Variants in MYH11 observed in about 807,000 individuals in gnomAD.
The protein encoded by MYH11 is myosin-11.
A neutral mutation model predicts 246.6 loss-of-function variants in MYH11; 80 were observed. The observed-to-expected ratio is 0.32, with a 90% CI of 0.27 to 0.39. The LOEUF (loss-of-function observed/expected upper bound fraction) is 0.39. Ranked by LOEUF, MYH11 falls within the 10% of genes least tolerant of loss-of-function variation. The probability of loss-of-function intolerance (pLI) is 1.00; values close to 1 mark genes in which losing one functional copy is unlikely to be tolerated. For synonymous variants in MYH11, 1,071 were observed against 1,015.5 expected (o/e 1.05, Z -1.04); for missense variants, 2,158 against 2,546.8 (o/e 0.85, Z 3.29).
At chr16:15,812,303 G>T (rs532168368) in intron 3 of MYH11, among the ~76,000 whole-genome samples, 1 of 152,188 alleles carries the variant, frequency 6.6e-6, no homozygotes, top group African/African-American at 2.4e-5. Flanking sequence ...GCTAGCGTTG[G>T]ATCACCCAAT....
At chr16:15,735,650 C>T (rs2041096836) in intron 25 of MYH11, 72 bp from the exon 26 acceptor site, 1 of 1,483,956 alleles carries the variant, frequency 6.7e-7, no homozygotes, top group Non-Finnish European at 9.4e-7. Flanking sequence ...TGGCCAAAAA[C>T]TTTTCTGGGA....
chr16:15,747,219 C>T (rs1197282419), intron 19 of MYH11, among the ~76,000 whole-genome samples: 2 of 152,092 alleles, frequency 1.3e-5, no homozygotes, highest in Middle Eastern at 3.2e-3. Flanking sequence ...TCTCGTCATG[C>T]GTTATCTTAG....
In MYH11 at chr16:15,782,423, T is replaced by C; in HGVS notation, c.688A>G (p.Asn230Asp). Residue 230 changes from asparagine to aspartate, a missense_variant, in exon 6 of 41, where the codon AAC becomes GAC. Around this residue, in one of 11 missense-constraint regions of MYH11, gnomAD observed 123 missense variants for 207.1 expected, o/e 0.59. Coordinates refer to ENST00000300036, the MANE Select transcript of MYH11 (RefSeq NM_002474.3). The part of the protein sequence containing the change: ...QANPILEAFG[N>D]AKTVKNDNSS... ...TTGTCGTTCTTCACTGTTTTGGCGTTGCCGAAAGCCTCCAGAATCGGGTTT... is the reference window on the plus strand; with the variant it reads ...TTGTCGTTCTTCACTGTTTTGGCGTCGCCGAAAGCCTCCAGAATCGGGTTT... The C allele has an allele frequency of 6.2e-7, 1 of 1,614,216 alleles. No individual in the cohort carries two copies. The highest frequency in any genetic ancestry group is 1.1e-5 in the South Asian group (1 of 91,082).
At chr16:15,799,702 T>C (rs1445801303) in intron 3 of MYH11, among the ~76,000 whole-genome samples, 1 of 152,228 alleles carries the variant, frequency 6.6e-6, no homozygotes, top group Non-Finnish European at 1.5e-5. Flanking sequence ...CACCTAACAA[T>C]GTAGAAATCC....
chr16:15,735,310 C>G (rs1419596690), intron 26 of MYH11, 56 bp downstream of exon 26: 1 of 1,581,372 alleles, frequency 6.3e-7, no homozygotes, highest in Non-Finnish European at 8.7e-7. Flanking sequence ...CCTCTTCTGC[C>G]CCCATCCCAT....
intron 1 of MYH11, among the ~76,000 whole-genome samples, chr16:15,853,674 A>G (rs2044386352): frequency 6.6e-6 from 1 of 152,248 alleles, no homozygotes; most frequent in East Asian, 1.9e-4. Flanking sequence ...AAAGGTCAGG[A>G]GTGGAAGGAG....
chr16:15,809,699 G>A (rs952742693), intron 3 of MYH11, among the ~76,000 whole-genome samples: 1 of 152,138 alleles, frequency 6.6e-6, no homozygotes, highest in African/African-American at 2.4e-5. Flanking sequence ...GAGGTAGGTG[G>A]ATTGCTTGGG....
intron 1 of MYH11, among the ~76,000 whole-genome samples, chr16:15,852,654 C>T (rs72773918): frequency 6.6e-6 from 1 of 151,996 alleles, no homozygotes; most frequent in Non-Finnish European, 1.5e-5. Flanking sequence ...TGTCTTTAGC[C>T]AGTCATTTGC....
At position 15,752,301 on chromosome 16, in the gene MYH11, G is replaced by A. The variant is rs111795541; in HGVS notation, c.1864+1093C>T. Reference sequence around the variant, plus strand: ...TTTTTTTAGCATGCTTAAAACAAGGGGAGACCAGTCCTGTAAGCCCCAGGC... The same window carrying A: ...TTTTTTTAGCATGCTTAAAACAAGGAGAGACCAGTCCTGTAAGCCCCAGGC... On this transcript the variant is annotated intron_variant, in intron 15 of 40. Coordinates refer to ENST00000300036, the MANE Select transcript of MYH11 (RefSeq NM_002474.3). 3.5e-3 allele frequency among the ~76,000 whole-genome samples: 529 copies of A among 152,090 alleles called. 6 individuals are homozygous for A. The highest frequency in any genetic ancestry group is 0.017 in the Middle Eastern group (5 of 294).
At chr16:15,717,710 C>T (rs1483467389) in intron 37 of MYH11, 2 of 352,798 alleles carry the variant, frequency 5.7e-6, no homozygotes, top group South Asian at 6.1e-5. Flanking sequence ...GCAGGAGAAT[C>T]CCTTGAACTT....
At chr16:15,817,647 T>C (rs998270974) in intron 3 of MYH11, among the ~76,000 whole-genome samples, 5 of 152,234 alleles carry the variant, frequency 3.3e-5, no homozygotes, top group African/African-American at 9.6e-5. Context: ...GAGGGTGCCA[T>C]GTTGTGAAGT....
chr16:15,804,908 T>C (rs1028009165), intron 3 of MYH11, among the ~76,000 whole-genome samples: 3 of 152,250 alleles, frequency 2.0e-5, no homozygotes, highest in African/African-American at 7.2e-5. Context: ...CATTCAACAG[T>C]TGACGGACAT....
chr16:15,724,055 G>A, intron 31 of MYH11, 106 bp downstream of exon 31: 1 of 1,572,644 alleles, frequency 6.4e-7, no homozygotes, highest in African/African-American at 1.3e-5. Flanking sequence ...CCCACAGAGT[G>A]GAGAGGGGAT....
rs369199973 is a variant in MYH11 at position 15,746,209 on chromosome 16, C to T, written c.2412-972G>A. ...CCAAAGTGCCTGGGATTACAGGTGT[C>T]AGCTACCACACCCAGCCCTGTCAAA... is the stretch of plus-strand genomic sequence containing the variant. On this transcript the variant is annotated intron_variant, in intron 19 of 40. Coordinates refer to ENST00000300036, the MANE Select transcript of MYH11 (RefSeq NM_002474.3). Among the ~76,000 whole-genome samples, 24 of 152,036 alleles carry T rather than the reference C, an allele frequency of 1.6e-4. No homozygotes were observed. In the South Asian group the frequency reaches 5.0e-3, roughly 32 times the overall value.
intron 9 of MYH11, among the ~76,000 whole-genome samples, chr16:15,765,601 A>G (rs1033342309): frequency 6.6e-6 from 1 of 152,198 alleles, no homozygotes; most frequent in African/African-American, 2.4e-5. Flanking sequence ...AACAAAGCCT[A>G]GAGATCCCAG....
chr16:15,777,275 C>A (rs2042244484), intron 7 of MYH11, among the ~76,000 whole-genome samples: 1 of 152,122 alleles, frequency 6.6e-6, no homozygotes, highest in Admixed American at 6.5e-5. Flanking sequence ...GTGCATGCCA[C>A]CACGCCTGGA....
chr16:15,758,050 GAAGAC>G (rs1203122732), intron 12 of MYH11, 50 bp from the exon 13 acceptor site: 48 of 1,611,662 alleles, frequency 3.0e-5, no homozygotes, highest in Non-Finnish European at 4.0e-5. Flanking sequence ...TATGAAGTCA[GAAGAC>G]AAGGAGCCCC....
At chr16:15,787,857 C>T (rs1353116567) in intron 4 of MYH11, among the ~76,000 whole-genome samples, 1 of 151,916 alleles carries the variant, frequency 6.6e-6, no homozygotes, top group Non-Finnish European at 1.5e-5. Context: ...ACCAAAAAAC[C>T]GGTTATCCCA....
Position 15,703,655 on chromosome 16 carries a change from T to C in MYH11, c.*336A>G, listed in dbSNP as rs2039302230. On this transcript the variant is annotated 3_prime_UTR_variant, in exon 41 of 41. Coordinates refer to ENST00000300036, the MANE Select transcript of MYH11 (RefSeq NM_002474.3). ...CCAGGCTGGAGTGCAATGATGCAATTATAGCTCATTGCAGCCTCGAAGTCC... is the reference window on the plus strand; with the variant it reads ...CCAGGCTGGAGTGCAATGATGCAATCATAGCTCATTGCAGCCTCGAAGTCC... 4.6e-6 allele frequency: 2 copies of C among 436,348 alleles called. No homozygotes were observed. Among genetic ancestry groups the C allele is most frequent in the East Asian group, 4.0e-5 (1 of 25,094 alleles). The allele number at this position is 436,348 out of a possible 1,614,324, so 27.0% of individuals were successfully genotyped here.
Sources: gnomAD v4.1 joint callset for allele counts (sites outside exome capture counted in the v4.1 genomes callset) on GRCh38, gnomAD v4.1.1 for gene constraint, gnomAD v4.1.1 regional missense constraint, MANE v1.5 for transcripts, NCBI Gene and HGNC (gene_info 2026-07-23, HGNC 2026-07-21) for gene names.